Variants in DYNC1I1 observed in about 807,000 individuals in gnomAD.
The protein encoded by DYNC1I1 is dynein cytoplasmic 1 intermediate chain 1.
A neutral mutation model predicts 86.6 loss-of-function variants in DYNC1I1; 43 were observed. The ratio of observed to expected loss-of-function variants is 0.50; its 90% CI spans 0.39 to 0.64. The LOEUF is 0.64. DYNC1I1 is among the 30% of genes least tolerant of loss of function. The pLI is 0.00. For missense variants in DYNC1I1, 604 were observed against 788.8 expected, an observed-to-expected ratio of 0.77 and a Z score of 2.81; for synonymous variants, 262 against 283.7, an observed-to-expected ratio of 0.92 and a Z score of 0.77.
At chr7:95,814,994 G>C (rs148913762) in intron 4 of DYNC1I1, among the ~76,000 whole-genome samples, 1 of 151,794 alleles carries the variant, frequency 6.6e-6, no homozygotes, top group Non-Finnish European at 1.5e-5. Flanking sequence ...TCTTGGGGGG[G>C]GTCCATTGGC....
intron 6 of DYNC1I1, among the ~76,000 whole-genome samples, chr7:95,883,142 T>C (rs969572195): frequency 3.9e-5 from 6 of 152,228 alleles, no homozygotes. Context: ...CTCATTGGAA[T>C]TAGAAATTGC....
chr7:95,792,071 A>G (rs1231030896), intron 1 of DYNC1I1, among the ~76,000 whole-genome samples: 1 of 152,258 alleles, frequency 6.6e-6, no homozygotes, highest in African/African-American at 2.4e-5. Context: ...TAGCAATTCA[A>G]GAGACATTTA....
intron 6 of DYNC1I1, among the ~76,000 whole-genome samples, chr7:95,947,863 C>T (rs1792445270): frequency 1.3e-5 from 2 of 152,008 alleles, no homozygotes; most frequent in Non-Finnish European, 2.9e-5. Flanking sequence ...GAGAAGCTTT[C>T]AAGAACAGAA....
At chr7:96,100,334 CCTCT>C (rs1266571617), downstream of DYNC1I1, among the ~76,000 whole-genome samples, 1 of 151,804 alleles carries the variant, frequency 6.6e-6, no homozygotes, top group Non-Finnish European at 1.5e-5. Context: ...TCCCTCCCTC[CCTCT>C]CTCCCTTCCT....
intron 10 of DYNC1I1, among the ~76,000 whole-genome samples, chr7:96,004,180 CT>C (rs1794084268): frequency 6.6e-6 from 1 of 152,144 alleles, no homozygotes; most frequent in Non-Finnish European, 1.5e-5. Context: ...ATAGTCTATA[CT>C]TTGCTTTTTC....
At chr7:96,029,476 TAG>T (rs1794757262) in intron 11 of DYNC1I1, among the ~76,000 whole-genome samples, 1 of 152,202 alleles carries the variant, frequency 6.6e-6, no homozygotes, top group African/African-American at 2.4e-5. Context: ...ATCCAAATGT[TAG>T]AACATTTAGC....
At chr7:95,891,739 T>C (rs188794897) in intron 6 of DYNC1I1, among the ~76,000 whole-genome samples, 111 of 152,164 alleles carry the variant, frequency 7.3e-4, no homozygotes, top group Non-Finnish European at 1.5e-4. Flanking sequence ...GAAGAGTGTG[T>C]TTTATTTGGT....
intron 11 of DYNC1I1, among the ~76,000 whole-genome samples, chr7:96,029,358 G>A (rs1172232258): frequency 6.6e-6 from 1 of 152,126 alleles, no homozygotes; most frequent in Non-Finnish European, 1.5e-5. Flanking sequence ...CCAGGAGAAG[G>A]TGGGCTTGAT....
intron 5 of DYNC1I1, among the ~76,000 whole-genome samples, chr7:95,853,913 C>G (rs1343992768): frequency 6.6e-6 from 1 of 152,150 alleles, no homozygotes; most frequent in Non-Finnish European, 1.5e-5. Flanking sequence ...CCTTCTTTGT[C>G]TCTTTTTACG....
chr7:95,952,018 T>G (rs545731145), intron 6 of DYNC1I1, among the ~76,000 whole-genome samples: 56 of 152,298 alleles, frequency 3.7e-4, no homozygotes, highest in African/African-American at 1.3e-3. Flanking sequence ...ACCTTTTTAT[T>G]TAATAAGGCT....
At chr7:95,842,346 ATAAGT>A (rs1163324775) in intron 5 of DYNC1I1, among the ~76,000 whole-genome samples, 3 of 152,172 alleles carry the variant, frequency 2.0e-5, no homozygotes, top group Non-Finnish European at 2.9e-5. Context: ...ACAATTTTAC[ATAAGT>A]TAAGTAGTCA....
At chr7:95,895,648 G>A (rs1178157377) in intron 6 of DYNC1I1, among the ~76,000 whole-genome samples, 1 of 151,964 alleles carries the variant, frequency 6.6e-6, no homozygotes, top group Admixed American at 6.6e-5. Flanking sequence ...AAAATCATTC[G>A]AATTTGCTTT....
intron 1 of DYNC1I1, among the ~76,000 whole-genome samples, chr7:95,786,584 C>T (rs971432489): frequency 4.6e-5 from 7 of 152,108 alleles, no homozygotes; most frequent in African/African-American, 1.4e-4. Flanking sequence ...CTCATTATAC[C>T]GAATTAACAT....
In DYNC1I1 at chr7:95,977,548, T is replaced by C. The variant is rs1392594191; in HGVS notation, c.527T>C (p.Val176Ala). 1.2e-6 allele frequency: 2 copies of C among 1,613,476 alleles called. No individual in the cohort carries two copies. Among genetic ancestry groups the C allele is most frequent in the South Asian group, 1.1e-5 (1 of 90,940 alleles). The change falls in exon 7 of 17, where the codon GTT becomes GCT. Residue 176 changes from valine to alanine, a missense_variant. By Grantham distance (64) the Val-to-Ala change is moderately conservative (BLOSUM62 0). Coordinates refer to ENST00000447467, the MANE Select transcript of DYNC1I1 (RefSeq NM_001135556.2). Reference sequence around the variant, plus strand: ...GATGAGGAAATGGTGGAATCTAAAGTTGGCCAGGACTCAGAACTGGAAAAT... The same window carrying C: ...GATGAGGAAATGGTGGAATCTAAAGCTGGCCAGGACTCAGAACTGGAAAAT... ...EEDEEMVESK[V>A]GQDSELENQD...
At chr7:95,909,262 G>A (rs1489776380) in intron 6 of DYNC1I1, among the ~76,000 whole-genome samples, 1 of 115,482 alleles carries the variant, frequency 8.7e-6, no homozygotes, top group Non-Finnish European at 1.8e-5. Context: ...GGGGCGGGGC[G>A]GGAAGGGAAA....
At chr7:96,099,241 C>T (rs1296999588), downstream of DYNC1I1, among the ~76,000 whole-genome samples, 2 of 152,150 alleles carry the variant, frequency 1.3e-5, no homozygotes, top group Non-Finnish European at 2.9e-5. Flanking sequence ...TTACAGTAGG[C>T]ACATAAAATG....
chr7:96,066,199 G>C (rs767856836), intron 14 of DYNC1I1, among the ~76,000 whole-genome samples: 7 of 152,106 alleles, frequency 4.6e-5, no homozygotes, highest in Non-Finnish European at 8.8e-5. Context: ...GACTTAACCA[G>C]GTTTTTGCAT....
chr7:95,829,747 AC>A (rs1315626611), intron 5 of DYNC1I1, among the ~76,000 whole-genome samples: 1 of 152,130 alleles, frequency 6.6e-6, no homozygotes, highest in Non-Finnish European at 1.5e-5. Flanking sequence ...CTGTGGACCC[AC>A]CTTACCTGCT....
At chr7:95,901,930 C>A (rs907605670) in intron 6 of DYNC1I1, among the ~76,000 whole-genome samples, 6 of 152,188 alleles carry the variant, frequency 3.9e-5, no homozygotes, top group Non-Finnish European at 8.8e-5. Flanking sequence ...TGATGCTGAA[C>A]AAATGTTTAA....
Sources: allele counts gnomAD v4.1 joint callset (sites outside exome capture counted in the v4.1 genomes callset), GRCh38; gene constraint gnomAD v4.1.1; transcripts MANE v1.5; gene names NCBI Gene and HGNC (gene_info 2026-07-23, HGNC 2026-07-21).